The following STRN variants were observed in gnomAD, a reference collection of about 807,000 sequenced individuals.
STRN encodes striatin.
A neutral mutation model predicts 96.3 loss-of-function variants in STRN; 53 were observed. The observed-to-expected ratio is 0.55, with a 90% CI of 0.44 to 0.69. The LOEUF (loss-of-function observed/expected upper bound fraction) is 0.69. Ranked by LOEUF, STRN falls within the 30% of genes least tolerant of loss-of-function variation. The probability of loss-of-function intolerance (pLI) is 0.00; values close to 1 mark genes in which losing one functional copy is unlikely to be tolerated. For synonymous variants in STRN, 428 were observed against 355.9 expected, an observed-to-expected ratio of 1.20 and a Z score of -2.28; for missense variants, 987 against 963.9, an observed-to-expected ratio of 1.02 and a Z score of -0.32.
At position 36,960,318 on chromosome 2, in the gene STRN, A is replaced by G. The variant is rs1664996266; in HGVS notation, c.234+5912T>C. Reference sequence around the variant, plus strand: ...CAAATACACTTGAAGTATATCCTCAATGTTCTGAGGCTGACACTGAAGGCA... The same window carrying G: ...CAAATACACTTGAAGTATATCCTCAGTGTTCTGAGGCTGACACTGAAGGCA... On this transcript the variant is annotated intron_variant, in intron 1 of 17. Coordinates refer to ENST00000263918, the MANE Select transcript of STRN (RefSeq NM_003162.4). Among the ~76,000 whole-genome samples, 3 of 152,206 alleles carry G rather than the reference A, an allele frequency of 2.0e-5. 1 individual carries two copies. Among genetic ancestry groups the G allele is most frequent in the Admixed American group, 2.0e-4 (3 of 15,274 alleles).
chr2:36,917,523 CAAAAACAAAAAAAAGA>C (rs1200552531), intron 2 of STRN, among the ~76,000 whole-genome samples: 8 of 50,318 alleles, frequency 1.6e-4, no homozygotes, highest in South Asian at 5.9e-4. Context: ...GACCCTGTCT[CAAAAACAAAAAAAAGA>C]AAAAAAAAAA....
chr2:36,871,100 T>C (rs978567738), intron 10 of STRN, among the ~76,000 whole-genome samples: 1 of 152,260 alleles, frequency 6.6e-6, no homozygotes, highest in African/African-American at 2.4e-5. Flanking sequence ...AAAATGTTTT[T>C]AAAAATTCAG....
rs553195955 is a variant in STRN, at chr2:36,844,922, T to C, written c.*4534A>G. 6.6e-6 allele frequency: 1 copy of C among 152,234 alleles called. No individual in the cohort carries two copies. The highest frequency in any genetic ancestry group is 1.9e-4 in the East Asian group (1 of 5,180). 9.4% of individuals were successfully genotyped at this position (152,234 alleles called of 1,614,324 possible). Reference sequence around the variant, plus strand: ...TAGGGCTTGATACATTTCACAAAAATATACATATTTTTCGTCAGCTACTAC... The same window carrying C: ...TAGGGCTTGATACATTTCACAAAAACATACATATTTTTCGTCAGCTACTAC... On this transcript the variant is annotated 3_prime_UTR_variant, in exon 18 of 18. Coordinates refer to ENST00000263918, the MANE Select transcript of STRN (RefSeq NM_003162.4).
chr2:36,919,499 A>C (rs1203880091), intron 2 of STRN, among the ~76,000 whole-genome samples: 2 of 152,142 alleles, frequency 1.3e-5, no homozygotes, highest in Non-Finnish European at 2.9e-5. Flanking sequence ...AAACACACAC[A>C]GTGGGTCAAA....
chr2:36,892,507 T>C (rs1018449495), intron 7 of STRN, among the ~76,000 whole-genome samples: 23 of 152,354 alleles, frequency 1.5e-4, no homozygotes, highest in African/African-American at 5.5e-4. Context: ...ATCTTTTTTA[T>C]TGAGAAGAAC....
At chr2:36,914,254 G>T (rs1339377171) in intron 3 of STRN, among the ~76,000 whole-genome samples, 1 of 152,158 alleles carries the variant, frequency 6.6e-6, no homozygotes, top group Admixed American at 6.5e-5. Flanking sequence ...GCCTCCCAAA[G>T]TGGGATTACA....
At chr2:36,888,065 A>G (rs1669286045) in intron 7 of STRN, among the ~76,000 whole-genome samples, 1 of 152,186 alleles carries the variant, frequency 6.6e-6, no homozygotes, top group Non-Finnish European at 1.5e-5. Flanking sequence ...TTATTTGATG[A>G]CAATTCCATA....
At chr2:36,888,082 C>T (rs1335436244) in intron 7 of STRN, among the ~76,000 whole-genome samples, 1 of 152,124 alleles carries the variant, frequency 6.6e-6, no homozygotes, top group Non-Finnish European at 1.5e-5. Flanking sequence ...CATACGTGCA[C>T]TTTTTCAGAG....
At chr2:36,928,588 G>A (rs1467667025) in intron 1 of STRN, among the ~76,000 whole-genome samples, 1 of 151,290 alleles carries the variant, frequency 6.6e-6, no homozygotes, top group Admixed American at 6.6e-5. Context: ...GGAGGCGGAG[G>A]TTGCAGTGTG....
At chr2:36,879,510 C>T (rs1163936213) in intron 9 of STRN, among the ~76,000 whole-genome samples, 2 of 152,308 alleles carry the variant, frequency 1.3e-5, no homozygotes, top group South Asian at 2.1e-4. Flanking sequence ...CCTTCAACAA[C>T]CATCATAGAA....
chr2:36,902,836 C>A, intron 4 of STRN, 85 bp from the exon 5 acceptor site: 1 of 1,167,064 alleles, frequency 8.6e-7, no homozygotes, highest in Non-Finnish European at 1.2e-6. Context: ...TTTATTTAAA[C>A]TCATTGCCTG....
chr2:36,920,638 C>CA (rs1312882065), intron 2 of STRN, among the ~76,000 whole-genome samples: 2,504 of 61,950 alleles, frequency 0.04, 24 homozygotes, highest in Non-Finnish European at 0.046. Context: ...AACTCCGTCT[C>CA]AAAAAAAAAA....
At chr2:36,870,594 CAT>C (rs1422281599) in intron 10 of STRN, among the ~76,000 whole-genome samples, 4 of 152,170 alleles carry the variant, frequency 2.6e-5, no homozygotes, top group Non-Finnish European at 4.4e-5. Context: ...ACATTACTCA[CAT>C]GTTTGTGGTG....
intron 1 of STRN, among the ~76,000 whole-genome samples, chr2:36,928,627 G>C (rs1282419672): frequency 6.7e-6 from 1 of 149,544 alleles, no homozygotes; most frequent in Non-Finnish European, 1.5e-5. Flanking sequence ...ACTCCAGCCT[G>C]GGCGACACAG....
intron 1 of STRN, among the ~76,000 whole-genome samples, chr2:36,928,884 G>A (rs1331754125): frequency 2.0e-5 from 3 of 150,366 alleles, no homozygotes; most frequent in Admixed American, 2.0e-4. Flanking sequence ...GGAGGCAGAG[G>A]CTGCAGTGAG....
chr2:36,900,104 G>C (rs1669644387), intron 5 of STRN, among the ~76,000 whole-genome samples: 1 of 151,962 alleles, frequency 6.6e-6, no homozygotes, highest in South Asian at 2.1e-4. Flanking sequence ...GCCCAAACTG[G>C]CCTCTAATTC....
chr2:36,942,600 T>G (rs2148255450), intron 1 of STRN, among the ~76,000 whole-genome samples: 1 of 152,300 alleles, frequency 6.6e-6, no homozygotes, highest in Admixed American at 6.5e-5. Context: ...CTATTTCATA[T>G]CTCTTAATAG....
chr2:36,932,211 G>C (rs1167948210), intron 1 of STRN, among the ~76,000 whole-genome samples: 1 of 152,134 alleles, frequency 6.6e-6, no homozygotes. Context: ...CTGGAGTACA[G>C]TGGCGTGATC....
intron 3 of STRN, among the ~76,000 whole-genome samples, chr2:36,910,401 G>A (rs953360922): frequency 1.3e-5 from 2 of 152,094 alleles, no homozygotes; most frequent in Non-Finnish European, 1.5e-5. Context: ...TAACAATGGA[G>A]TGTGTGGTTT....
Sources: allele counts gnomAD v4.1 joint callset (sites outside exome capture counted in the v4.1 genomes callset), GRCh38; gene constraint gnomAD v4.1.1; transcripts MANE v1.5; gene names NCBI Gene and HGNC (gene_info 2026-07-23, HGNC 2026-07-21).